The following PECAM1 variants were observed in gnomAD, a reference collection of about 807,000 sequenced individuals.
PECAM1 encodes the protein platelet endothelial cell adhesion molecule.
PECAM1 carries 8 observed loss-of-function variants against 13.8 expected under a neutral mutation model. The ratio of observed to expected loss-of-function variants is 0.58; its 90% CI spans 0.34 to 1.05. The LOEUF (loss-of-function observed/expected upper bound fraction) is 1.05. Among genes scored for constraint, PECAM1 ranks in the 50% least tolerant of loss-of-function variants. The pLI, the probability that PECAM1 is intolerant of heterozygous loss-of-function variation, is 0.03. For missense variants in PECAM1, 304 were observed against 141.2 expected, an observed-to-expected ratio of 2.15 and a Z score of -5.84; for synonymous variants, 136 against 52.6, an observed-to-expected ratio of 2.58 and a Z score of -6.86.
intron 7 of PECAM1, among the ~76,000 whole-genome samples, chr17:64,358,526 C>A (rs928530974): frequency 6.6e-6 from 1 of 152,148 alleles, no homozygotes; most frequent in Non-Finnish European, 1.5e-5. Context: ...AGCCCTGGCA[C>A]CTAGCCCAGC....
intron 14 of PECAM1, among the ~76,000 whole-genome samples, chr17:64,340,482 C>T (rs1200219670): frequency 1.3e-5 from 2 of 152,088 alleles, no homozygotes; most frequent in African/African-American, 2.4e-5. Flanking sequence ...CTGTACAAAG[C>T]GAGATACTCA....
At chr17:64,357,520 C>T (rs891203517) in intron 7 of PECAM1, among the ~76,000 whole-genome samples, 7 of 152,174 alleles carry the variant, frequency 4.6e-5, no homozygotes, top group Admixed American at 4.6e-4. Context: ...AGTGTGAGAG[C>T]AGATGGTCAG....
intron 2 of PECAM1, among the ~76,000 whole-genome samples, chr17:64,383,779 A>C (rs1303772520): frequency 2.0e-5 from 3 of 152,198 alleles, no homozygotes; most frequent in African/African-American, 7.2e-5. Context: ...ACCCACTAGC[A>C]TGGGGCCCGT....
chr17:64,357,557 C>G (rs903816944), intron 7 of PECAM1, among the ~76,000 whole-genome samples: 4 of 152,316 alleles, frequency 2.6e-5, no homozygotes, highest in African/African-American at 9.6e-5. Context: ...TTATGAGTCA[C>G]TCTCCTGTGA....
chr17:64,373,112 C>T (rs987168664), intron 4 of PECAM1, among the ~76,000 whole-genome samples: 75 of 142,212 alleles, frequency 5.3e-4, no homozygotes, highest in African/African-American at 1.7e-3. Flanking sequence ...AACTCTGTCT[C>T]AAATAAATAA....
At chr17:64,327,806 C>T (rs547266981) in intron 15 of PECAM1, among the ~76,000 whole-genome samples, 2 of 152,226 alleles carry the variant, frequency 1.3e-5, no homozygotes, top group African/African-American at 4.8e-5. Context: ...ATATTTCCTC[C>T]AATGTTTTCA....
intron 2 of PECAM1, among the ~76,000 whole-genome samples, chr17:64,381,747 A>G (rs2036485559): frequency 6.6e-6 from 1 of 152,044 alleles, no homozygotes; most frequent in Non-Finnish European, 1.5e-5. Flanking sequence ...TTTTGTCTTT[A>G]TATGCAACTT....
At chr17:64,361,923 T>C (rs2035992363) in intron 6 of PECAM1, among the ~76,000 whole-genome samples, 1 of 152,196 alleles carries the variant, frequency 6.6e-6, no homozygotes, top group Admixed American at 6.5e-5. Flanking sequence ...ATAACACACA[T>C]TTGTCTCTTG....
intron 5 of PECAM1, among the ~76,000 whole-genome samples, chr17:64,367,548 C>T (rs2036137561): frequency 9.2e-6 from 1 of 108,256 alleles, no homozygotes; most frequent in Non-Finnish European, 2.1e-5. Context: ...AAAACTCCAT[C>T]TCAAAAAAAA....
intron 8 of PECAM1, 97 bp downstream of exon 8, chr17:64,356,014 G>T: frequency 8.5e-6 from 4 of 468,604 alleles, no homozygotes; most frequent in Non-Finnish European, 1.6e-5. Context: ...AGTCACATAA[G>T]CTAGACTCCC....
At chr17:64,385,239 C>T (rs2036567956) in intron 2 of PECAM1, among the ~76,000 whole-genome samples, 1 of 152,200 alleles carries the variant, frequency 6.6e-6, no homozygotes, top group Non-Finnish European at 1.5e-5. Flanking sequence ...TTTGGAAAGT[C>T]ACCACGGAAC....
At chr17:64,330,790 T>G (rs2035093027) in intron 14 of PECAM1, among the ~76,000 whole-genome samples, 1 of 151,908 alleles carries the variant, frequency 6.6e-6, no homozygotes, top group African/African-American at 2.4e-5. Context: ...ACGATTTGGC[T>G]TTTTTGGGGG....
At chr17:64,361,417 A>T (rs2035977462) in intron 6 of PECAM1, among the ~76,000 whole-genome samples, 1 of 151,792 alleles carries the variant, frequency 6.6e-6, no homozygotes, top group African/African-American at 2.4e-5. Flanking sequence ...AATTGTTGGG[A>T]TTACAGGTGT....
rs2034822236 is a variant in PECAM1 at position 64,322,164 on chromosome 17, T to C, written c.*1652A>G. 2 of 801,952 alleles carry C rather than the reference T, an allele frequency of 2.5e-6. No homozygotes were observed. Among genetic ancestry groups the C allele is most frequent in the South Asian group, 4.4e-5 (1 of 22,518 alleles). 49.7% of individuals were successfully genotyped at this position (801,952 alleles called of 1,614,324 possible). ...CACACATGAGGACAAGGCGGGCAGATCACCAAAGGTCAGGCATTCGAGATC... is the reference window on the plus strand; with the variant it reads ...CACACATGAGGACAAGGCGGGCAGACCACCAAAGGTCAGGCATTCGAGATC... On this transcript the variant is annotated 3_prime_UTR_variant, in exon 16 of 16. Coordinates refer to ENST00000563924, the MANE Select transcript of PECAM1 (RefSeq NM_000442.5).
intron 3 of PECAM1, among the ~76,000 whole-genome samples, chr17:64,377,244 G>A (rs891812890): frequency 1.3e-5 from 2 of 152,190 alleles, no homozygotes; most frequent in Admixed American, 1.3e-4. Context: ...AATGTAGAGA[G>A]AGCATCAGAG....
chr17:64,376,027 C>T (rs1271571290), intron 3 of PECAM1, among the ~76,000 whole-genome samples: 9 of 151,882 alleles, frequency 5.9e-5, no homozygotes, highest in Non-Finnish European at 1.5e-5. Context: ...ACTAAGGCCA[C>T]GCGAGGTGGC....
intron 13 of PECAM1, among the ~76,000 whole-genome samples, chr17:64,346,441 A>G (rs1197484216): frequency 6.6e-6 from 1 of 152,050 alleles, no homozygotes; most frequent in Non-Finnish European, 1.5e-5. Context: ...GGTTCAAGCG[A>G]TTCTTCTGCC....
intron 11 of PECAM1, among the ~76,000 whole-genome samples, chr17:64,351,023 T>C (rs1329151778): frequency 6.6e-6 from 1 of 152,050 alleles, no homozygotes; most frequent in Non-Finnish European, 1.5e-5. Context: ...ATTATAAACA[T>C]GTACCACCAT....
rs948902658 is a variant in PECAM1, at chr17:64,334,787, G to A, written c.2165-5065C>T. Among the ~76,000 whole-genome samples, 604 of 152,124 alleles carry A rather than the reference G, an allele frequency of 4.0e-3. 5 individuals are homozygous for A. Among genetic ancestry groups the A allele is most frequent in the African/African-American group, 0.013 (522 of 41,498 alleles). ...CTCCCAAATTGCTGGGATTACAGGC[G>A]TGAGCCACTGCGCACGGCCCTGGGC... On this transcript the variant is annotated intron_variant, in intron 14 of 15. Coordinates refer to ENST00000563924, the MANE Select transcript of PECAM1 (RefSeq NM_000442.5).
Sources: gnomAD v4.1 joint callset for allele counts (sites outside exome capture counted in the v4.1 genomes callset) on GRCh38, gnomAD v4.1.1 for gene constraint, MANE v1.5 for transcripts, NCBI Gene and HGNC (gene_info 2026-07-23, HGNC 2026-07-21) for gene names.